The following PTPRK variants were observed in gnomAD, a reference collection of about 807,000 sequenced individuals.
PTPRK encodes protein tyrosine phosphatase receptor type K.
Under a neutral mutation model 178.0 loss-of-function variants are expected in PTPRK, and 75 were observed. The observed-to-expected ratio is 0.42, with a 90% CI of 0.35 to 0.51. PTPRK has a LOEUF of 0.51. Among genes scored for constraint, PTPRK ranks in the 20% least tolerant of loss-of-function variants. The pLI, the probability that PTPRK is intolerant of heterozygous loss-of-function variation, is 0.02. For missense variants in PTPRK, 1,441 were observed against 1,797.8 expected (o/e 0.80, Z 3.59); for synonymous variants, 637 against 620.6 (o/e 1.03, Z -0.39).
intron 6 of PTPRK, among the ~76,000 whole-genome samples, chr6:128,185,819 T>C (rs1802664672): frequency 6.6e-6 from 1 of 152,084 alleles, no homozygotes; most frequent in Non-Finnish European, 1.5e-5. Flanking sequence ...AATATCTTTC[T>C]AGTTGGATTT....
intron 3 of PTPRK, among the ~76,000 whole-genome samples, chr6:128,265,235 T>C (rs1362830466): frequency 6.6e-6 from 1 of 152,166 alleles, no homozygotes; most frequent in East Asian, 1.9e-4. Flanking sequence ...CCGTATATCA[T>C]CATATCACCA....
intron 2 of PTPRK, among the ~76,000 whole-genome samples, chr6:128,327,600 T>C (rs1422337845): frequency 6.6e-6 from 1 of 152,154 alleles, no homozygotes; most frequent in South Asian, 2.1e-4. Flanking sequence ...ATACATTGCT[T>C]TTGTGCCAAT....
chr6:128,408,747 G>A (rs1326266259), intron 1 of PTPRK, among the ~76,000 whole-genome samples: 4 of 152,160 alleles, frequency 2.6e-5, no homozygotes, highest in African/African-American at 9.7e-5. Context: ...ATGTCTATGG[G>A]TCTTTTTAGA....
Position 128,017,802 on chromosome 6 carries a change from GTATA to G in PTPRK, c.2195-8538_2195-8535del, listed in dbSNP as rs34836605. Among the ~76,000 whole-genome samples, 372 of 101,256 alleles carry G rather than the reference GTATA, an allele frequency of 3.7e-3. 3 individuals carry two copies. Among genetic ancestry groups the G allele is most frequent in the African/African-American group, 8.9e-3 (268 of 30,274 alleles). 66.4% of individuals were successfully genotyped at this position (101,256 alleles called of 152,430 possible). A position where few individuals can be genotyped will look rare whatever the true frequency, so the allele number is the denominator to read the frequency against. Reference sequence around the variant, plus strand: ...TACATATATAAATAAATATATATGTGTATATATATATATATATATATATATATAT... The same window carrying G: ...TACATATATAAATAAATATATATGTGTATATATATATATATATATATATAT... On this transcript the variant is annotated intron_variant, in intron 13 of 29. Coordinates refer to ENST00000368226, the MANE Select transcript of PTPRK (RefSeq NM_002844.4).
chr6:128,366,546 T>C (rs190287799), intron 2 of PTPRK, among the ~76,000 whole-genome samples: 1 of 152,268 alleles, frequency 6.6e-6, no homozygotes, highest in East Asian at 1.9e-4. Flanking sequence ...TGCAAAAGAC[T>C]ACTACAAAGT....
intron 18 of PTPRK, 134 bp downstream of exon 18, chr6:127,995,328 C>T (rs532905679): frequency 4.6e-5 from 73 of 1,576,690 alleles, no homozygotes; most frequent in Admixed American, 3.3e-4. Context: ...AGTACTAGGA[C>T]GCAGAACAAG....
At position 128,397,719 on chromosome 6, in the gene PTPRK, T is replaced by C. The variant is rs778752173; in HGVS notation, c.101-31A>G. On this transcript the variant is annotated intron_variant, in intron 1 of 29. Transcript: ENST00000368226. ...AGAAAAGAAGACTACTGTTACATTCTAAACAGATTTTCCAAACATAACGAA... is the reference window on the plus strand; with the variant it reads ...AGAAAAGAAGACTACTGTTACATTCCAAACAGATTTTCCAAACATAACGAA... 6 of 1,605,996 alleles carry C rather than the reference T, an allele frequency of 3.7e-6. No individual in the cohort carries two copies. In the East Asian group the frequency reaches 1.3e-4, roughly 36 times the overall value.
chr6:128,042,792 A>G (rs1003541428), intron 13 of PTPRK, among the ~76,000 whole-genome samples: 1 of 152,054 alleles, frequency 6.6e-6, no homozygotes, highest in Non-Finnish European at 1.5e-5. Flanking sequence ...ATGATTACAA[A>G]TAACTTATCT....
intron 7 of PTPRK, among the ~76,000 whole-genome samples, chr6:128,176,266 C>A (rs933691113): frequency 4.0e-5 from 6 of 151,688 alleles, no homozygotes; most frequent in Non-Finnish European, 8.8e-5. Flanking sequence ...AATAACAGGA[C>A]AGAATATAGC....
At chr6:128,022,851 A>C (rs548914419) in intron 13 of PTPRK, among the ~76,000 whole-genome samples, 1 of 152,328 alleles carries the variant, frequency 6.6e-6, no homozygotes, top group South Asian at 2.1e-4. Context: ...TTGAGAGACT[A>C]GAGAGCTAAG....
chr6:128,412,831 C>A (rs1842452378), intron 1 of PTPRK, among the ~76,000 whole-genome samples: 1 of 152,144 alleles, frequency 6.6e-6, no homozygotes, highest in African/African-American at 2.4e-5. Flanking sequence ...GGCACTAATT[C>A]TCTTGCACTC....
rs570662715 is a variant in PTPRK at position 128,033,340 on chromosome 6, G to A, written c.2195-24072C>T. On this transcript the variant is annotated intron_variant, in intron 13 of 29. Coordinates refer to ENST00000368226, the MANE Select transcript of PTPRK (RefSeq NM_002844.4). ...GAAAGTTATTGAAGTCAGATTTAGA[G>A]CATGAAAATCCAGCTGACAAATCTC... 6.6e-5 allele frequency among the ~76,000 whole-genome samples: 10 copies of A among 152,248 alleles called. No homozygotes were observed. In the South Asian group the frequency reaches 1.4e-3, roughly 22 times the overall value.
intron 1 of PTPRK, among the ~76,000 whole-genome samples, chr6:128,420,620 T>C (rs1158285253): frequency 6.6e-6 from 1 of 152,160 alleles, no homozygotes; most frequent in African/African-American, 2.4e-5. Context: ...CAACAGAAAG[T>C]ACAAGCAAAG....
At chr6:128,238,085 T>G (rs906231357) in intron 5 of PTPRK, 1 of 444,512 alleles carries the variant, frequency 2.2e-6, no homozygotes, top group African/African-American at 2.0e-5. Context: ...AAATAGCTTT[T>G]GAATAAATTA....
rs372899705 is a variant in PTPRK, at chr6:127,998,817, G to A, written c.2582C>T (p.Thr861Ile). The change falls in exon 16 of 30, where the codon ACA becomes ATA. Residue 861 changes from threonine (T) to isoleucine (I), a missense_variant. Physicochemically the swap from Thr to Ile is moderately conservative, Grantham distance 89. Around this residue, in one of 4 missense-constraint regions of PTPRK, gnomAD observed 945 missense variants for 1,080.6 expected, o/e 0.87. Transcript: ENST00000368226. ...LCEGTESPYQTGQLHPAIRVA... is the reference protein window; with the variant it reads ...LCEGTESPYQIGQLHPAIRVA... Reference sequence around the variant, plus strand: ...CCTGATGGCTGGATGCAGCTGTCCTGTCTGGTAAGGGGATTCCGTCCCCTC... The same window carrying A: ...CCTGATGGCTGGATGCAGCTGTCCTATCTGGTAAGGGGATTCCGTCCCCTC... 55 of 1,610,566 alleles carry A rather than the reference G, an allele frequency of 3.4e-5. No homozygotes were observed. Among genetic ancestry groups the A allele is most frequent in the Non-Finnish European group, 4.7e-5 (55 of 1,177,960 alleles).
chr6:127,970,352 T>G (rs1773765925), intron 29 of PTPRK, 72 bp from the exon 30 acceptor site: 1 of 1,267,604 alleles, frequency 7.9e-7, no homozygotes, highest in Non-Finnish European at 1.1e-6. Flanking sequence ...AGTTACCAAA[T>G]GAAACTTGAC....
chr6:128,467,896 A>T (rs1050325327), intron 1 of PTPRK, among the ~76,000 whole-genome samples: 19 of 151,448 alleles, frequency 1.3e-4, no homozygotes, highest in East Asian at 2.0e-4. Flanking sequence ...AAATGTTGGA[A>T]TTTTTCCTTA....
At chr6:128,008,878 T>C (rs941836513) in intron 14 of PTPRK, among the ~76,000 whole-genome samples, 15 of 151,180 alleles carry the variant, frequency 9.9e-5, no homozygotes, top group African/African-American at 2.9e-4. Context: ...ATTTGAGACA[T>C]TTAAATTCGG....
At chr6:128,193,945 A>C (rs1804361123) in intron 6 of PTPRK, among the ~76,000 whole-genome samples, 1 of 151,872 alleles carries the variant, frequency 6.6e-6, no homozygotes, top group South Asian at 2.1e-4. Context: ...CCTTTAGCTC[A>C]TAATCAAACT....
Sources: gnomAD v4.1 joint callset for allele counts (sites outside exome capture counted in the v4.1 genomes callset) on GRCh38, gnomAD v4.1.1 for gene constraint, gnomAD v4.1.1 regional missense constraint, MANE v1.5 for transcripts, NCBI Gene and HGNC (gene_info 2026-07-23, HGNC 2026-07-21) for gene names.